The following ABHD3 variants were observed in gnomAD, a reference collection of about 807,000 sequenced individuals.
ABHD3 encodes the protein abhydrolase domain containing 3, phospholipase.
Under a neutral mutation model 48.8 loss-of-function variants are expected in ABHD3, and 46 were observed. The ratio of observed to expected loss-of-function variants is 0.94; its 90% CI spans 0.74 to 1.20. ABHD3 has a LOEUF of 1.20. Ranked by LOEUF, ABHD3 falls within the 50% of genes most tolerant of loss-of-function variation. The pLI is 0.00. For synonymous variants in ABHD3, 192 were observed against 183.7 expected, an observed-to-expected ratio of 1.04 and a Z score of -0.36; for missense variants, 490 against 497.8, an observed-to-expected ratio of 0.98 and a Z score of 0.15.
intron 3 of ABHD3, among the ~76,000 whole-genome samples, chr18:21,700,215 G>C (rs982638996): frequency 4.6e-5 from 7 of 151,292 alleles, no homozygotes; most frequent in Non-Finnish European, 1.0e-4. Flanking sequence ...TCAGCCTCCC[G>C]AATAACTGGG....
At chr18:21,671,486 C>CA (rs2039756497) in intron 4 of ABHD3, among the ~76,000 whole-genome samples, 1 of 152,012 alleles carries the variant, frequency 6.6e-6, no homozygotes, top group Non-Finnish European at 1.5e-5. Context: ...GCCTTTTAGA[C>CA]AAAAAACTCT....
Position 21,664,133 on chromosome 18 carries a change from C to A in ABHD3, c.653G>T (p.Gly218Val). 1 of 1,610,340 alleles carries A rather than the reference C, an allele frequency of 6.2e-7. No homozygotes were observed. The highest frequency in any genetic ancestry group is 8.5e-7 in the Non-Finnish European group (1 of 1,179,360). The change falls in exon 5 of 9, where the codon GGG becomes GTG. Residue 218 changes from glycine (G) to valine (V), a missense_variant. Gly to Val is a moderately radical substitution (Grantham distance 109). Transcript: ENST00000289119. The stretch of plus-strand genomic sequence containing the variant: ...AAAACCTTACCCTCCCATTGAAACC[C>A]CTGCTGCCAGGAAAGGAGCAGAAGG... ...LYPSAPFLAA[G>V]VSMGGMLLLN...
intron 3 of ABHD3, among the ~76,000 whole-genome samples, chr18:21,700,161 C>G (rs1237748674): frequency 6.6e-6 from 1 of 152,078 alleles, no homozygotes; most frequent in Non-Finnish European, 1.5e-5. Context: ...GCCATCTTGG[C>G]TCACTGCAAC....
intron 5 of ABHD3, among the ~76,000 whole-genome samples, chr18:21,660,299 G>C (rs1393829979): frequency 6.6e-6 from 1 of 151,750 alleles, no homozygotes; most frequent in Admixed American, 6.6e-5. Context: ...AGCTGCCAAG[G>C]ATCCTTGCAC....
intron 8 of ABHD3, 146 bp from the exon 9 acceptor site, chr18:21,651,909 C>G: frequency 1.4e-6 from 1 of 701,460 alleles, no homozygotes; most frequent in East Asian, 2.9e-5. Context: ...ATGTAATGAG[C>G]ATAGTTAAAT....
chr18:21,654,564 G>A (rs1227873219), intron 8 of ABHD3, among the ~76,000 whole-genome samples: 1 of 152,186 alleles, frequency 6.6e-6, no homozygotes, highest in Admixed American at 6.6e-5. Context: ...TCTATCTTGG[G>A]ATCAGGTGTG....
chr18:21,685,705 C>CT (rs1057356866), intron 3 of ABHD3, among the ~76,000 whole-genome samples: 42 of 148,688 alleles, frequency 2.8e-4, no homozygotes, highest in East Asian at 2.2e-3. Context: ...AATTTTTATT[C>CT]TTTTTTTTTT....
chr18:21,683,903 C>T lies in ABHD3; in HGVS notation c.555+17G>A, dbSNP rs1299523639. The T allele has an allele frequency of 8.2e-6, 13 of 1,580,068 alleles. No individual in the cohort carries two copies. Among genetic ancestry groups the T allele is most frequent in the Non-Finnish European group, 1.1e-5 (13 of 1,162,074 alleles). On this transcript the variant is annotated intron_variant, in intron 4 of 8. Transcript: ENST00000289119. The stretch of plus-strand genomic sequence containing the variant: ...TTCTTTAAAAAGTTAAGACTGTTGT[C>T]ATTTAAATTTACTTACCAAGAGATT...
At chr18:21,692,152 G>A (rs188484492) in intron 3 of ABHD3, among the ~76,000 whole-genome samples, 2 of 152,248 alleles carry the variant, frequency 1.3e-5, no homozygotes, top group East Asian at 1.9e-4. Flanking sequence ...GTTTCACCAT[G>A]TCGGCCAGGC....
intron 6 of ABHD3, among the ~76,000 whole-genome samples, chr18:21,657,808 C>T (rs2146281382): frequency 6.6e-6 from 1 of 152,172 alleles, no homozygotes; most frequent in Middle Eastern, 3.4e-3. Context: ...CATTGCGTGC[C>T]TGTATCAAAA....
At chr18:21,660,373 C>A (rs1245240768) in intron 5 of ABHD3, among the ~76,000 whole-genome samples, 1 of 151,928 alleles carries the variant, frequency 6.6e-6, no homozygotes, top group Non-Finnish European at 1.5e-5. Flanking sequence ...GAACAGCTGA[C>A]CCCTAAAGTA....
intron 4 of ABHD3, among the ~76,000 whole-genome samples, chr18:21,678,880 C>T (rs2039947105): frequency 6.6e-6 from 1 of 152,154 alleles, no homozygotes; most frequent in Non-Finnish European, 1.5e-5. Flanking sequence ...CTTGGGCTTT[C>T]CCTCAATCCT....
chr18:21,669,253 T>C (rs1232798716), intron 4 of ABHD3, among the ~76,000 whole-genome samples: 1 of 152,092 alleles, frequency 6.6e-6, no homozygotes, highest in African/African-American at 2.4e-5. Flanking sequence ...CCTCAATACA[T>C]AATGATCCAA....
intron 8 of ABHD3, 115 bp downstream of exon 8, chr18:21,656,746 T>C: frequency 9.9e-7 from 1 of 1,007,012 alleles, no homozygotes; most frequent in Non-Finnish European, 1.4e-6. Flanking sequence ...TATGAGTATC[T>C]AGTTTTTTTA....
At chr18:21,662,825 T>C (rs1360284319) in intron 5 of ABHD3, among the ~76,000 whole-genome samples, 3 of 152,184 alleles carry the variant, frequency 2.0e-5, no homozygotes, top group Admixed American at 1.3e-4. Context: ...GCGGCACGAA[T>C]AGACATTTCC....
At chr18:21,657,542 G>A (rs887903586) in intron 6 of ABHD3, among the ~76,000 whole-genome samples, 9 of 151,592 alleles carry the variant, frequency 5.9e-5, no homozygotes, top group Non-Finnish European at 1.0e-4. Flanking sequence ...TAGAGATGGG[G>A]TTTTGCCATG....
intron 4 of ABHD3, among the ~76,000 whole-genome samples, chr18:21,666,045 T>A (rs2039617681): frequency 6.6e-6 from 1 of 152,078 alleles, no homozygotes; most frequent in Non-Finnish European, 1.5e-5. Context: ...TTATTTATTT[T>A]TTTTGAGATG....
chr18:21,703,122 C>A (rs1014611324), intron 2 of ABHD3, among the ~76,000 whole-genome samples: 6 of 151,702 alleles, frequency 4.0e-5, no homozygotes, highest in African/African-American at 1.5e-4. Flanking sequence ...ACATCAAGAG[C>A]TATTATCATC....
chr18:21,659,962 C>CTTTTTTTTT (rs60634505), intron 5 of ABHD3, among the ~76,000 whole-genome samples: 3 of 73,840 alleles, frequency 4.1e-5, no homozygotes, highest in African/African-American at 2.4e-4. Flanking sequence ...TGCACCCGGC[C>CTTTTTTTTT]TTTTTTTTTT....
Sources: allele counts gnomAD v4.1 joint callset (sites outside exome capture counted in the v4.1 genomes callset), GRCh38; gene constraint gnomAD v4.1.1; transcripts MANE v1.5; gene names NCBI Gene and HGNC (gene_info 2026-07-23, HGNC 2026-07-21).